The following SCFD2 variants were observed in gnomAD, a reference collection of about 807,000 sequenced individuals.
SCFD2 encodes sec1 family domain containing 2.
In SCFD2, 54 loss-of-function variants were observed where a neutral mutation model predicts 58.9. The ratio of observed to expected loss-of-function variants is 0.92; its 90% CI spans 0.74 to 1.15. The LOEUF is 1.15. Ranked by LOEUF, SCFD2 falls within the 50% of genes most tolerant of loss-of-function variation. SCFD2 has a pLI of 0.00. For missense variants in SCFD2, 805 were observed against 836.6 expected, an observed-to-expected ratio of 0.96 and a Z score of 0.47; for synonymous variants, 321 against 335.9, an observed-to-expected ratio of 0.96 and a Z score of 0.49.
intron 3 of SCFD2, among the ~76,000 whole-genome samples, chr4:53,277,271 A>G (rs2149072661): frequency 6.6e-6 from 1 of 152,348 alleles, no homozygotes; most frequent in African/African-American, 2.4e-5. Flanking sequence ...AACATTTTTA[A>G]GAAATGATAT....
chr4:53,180,792 C>G (rs184502008), intron 4 of SCFD2, among the ~76,000 whole-genome samples: 127 of 151,926 alleles, frequency 8.4e-4, no homozygotes, highest in Non-Finnish European at 1.2e-3. Context: ...AAGAATCAAA[C>G]AGACGCAATA....
chr4:53,196,805 A>G (rs532973071), intron 4 of SCFD2, among the ~76,000 whole-genome samples: 1 of 152,260 alleles, frequency 6.6e-6, no homozygotes, highest in South Asian at 2.1e-4. Context: ...AATCATGCCA[A>G]TGTCTTGTTC....
At chr4:53,078,560 G>A (rs938174014) in intron 5 of SCFD2, among the ~76,000 whole-genome samples, 2 of 152,084 alleles carry the variant, frequency 1.3e-5, no homozygotes, top group African/African-American at 4.8e-5. Context: ...GCATTTCCTC[G>A]GGCATTGACT....
At chr4:53,152,164 G>A (rs1726529111) in intron 4 of SCFD2, among the ~76,000 whole-genome samples, 1 of 152,096 alleles carries the variant, frequency 6.6e-6, no homozygotes, top group Non-Finnish European at 1.5e-5. Context: ...GGCAGTAAAA[G>A]GTAAATCCAG....
At chr4:53,180,940 C>T (rs1227159524) in intron 4 of SCFD2, among the ~76,000 whole-genome samples, 4 of 152,100 alleles carry the variant, frequency 2.6e-5, no homozygotes, top group African/African-American at 9.7e-5. Flanking sequence ...TACATGCTCC[C>T]AAGACTAAAC....
intron 5 of SCFD2, among the ~76,000 whole-genome samples, chr4:53,083,281 T>C (rs1724203819): frequency 6.6e-6 from 1 of 152,108 alleles, no homozygotes; most frequent in African/African-American, 2.4e-5. Context: ...ATAAACAGAA[T>C]CTTGGTAGAA....
chr4:52,909,958 T>C (rs1258424316), intron 6 of SCFD2, among the ~76,000 whole-genome samples: 4 of 152,242 alleles, frequency 2.6e-5, no homozygotes, highest in Admixed American at 2.6e-4. Flanking sequence ...TTAGCCTTTC[T>C]GGACATTGAC....
chr4:53,061,547 T>G (rs1378572781), intron 5 of SCFD2, among the ~76,000 whole-genome samples: 1 of 152,160 alleles, frequency 6.6e-6, no homozygotes, highest in African/African-American at 2.4e-5. Flanking sequence ...ACAGGAGGAC[T>G]ACAAATCAGA....
At chr4:53,017,317 T>C (rs1429074354) in intron 5 of SCFD2, among the ~76,000 whole-genome samples, 2 of 152,120 alleles carry the variant, frequency 1.3e-5, no homozygotes, top group African/African-American at 2.4e-5. Context: ...TCAAATCACA[T>C]ATGAAAAACA....
intron 4 of SCFD2, among the ~76,000 whole-genome samples, chr4:53,254,639 G>A (rs143892286): frequency 3.6e-4 from 54 of 150,486 alleles, no homozygotes; most frequent in Admixed American, 8.6e-4. Flanking sequence ...GCACCTGGCC[G>A]ACCCATGTCA....
chr4:52,896,146 T>C (rs1719004969), intron 7 of SCFD2, among the ~76,000 whole-genome samples: 1 of 152,224 alleles, frequency 6.6e-6, no homozygotes, highest in Non-Finnish European at 1.5e-5. Context: ...TCTTTTGCTG[T>C]GCAGAAGCTC....
Position 53,213,943 on chromosome 4 carries a change from A to T in SCFD2, c.1311+59883T>A, listed in dbSNP as rs1232698477. 2.0e-5 allele frequency among the ~76,000 whole-genome samples: 3 copies of T among 152,010 alleles called. No individual in the cohort carries two copies. In the South Asian group the frequency reaches 6.2e-4, roughly 32 times the overall value. ...TCCTTGCGATAGTTTGCTGAGAATGATGGTTTCCAGCTTCATCCCTGTCCC... is the reference window on the plus strand; with the variant it reads ...TCCTTGCGATAGTTTGCTGAGAATGTTGGTTTCCAGCTTCATCCCTGTCCC... On this transcript the variant is annotated intron_variant, in intron 4 of 8. Transcript: ENST00000401642.
At chr4:53,177,044 G>A (rs13111251) in intron 4 of SCFD2, among the ~76,000 whole-genome samples, 39,052 of 151,656 alleles carry the variant, frequency 0.26, 5,506 homozygotes, top group Non-Finnish European at 0.31. Flanking sequence ...TTCTTTATCT[G>A]TTTCCTGTTC....
At chr4:53,120,072 T>C (rs1392417713) in intron 5 of SCFD2, among the ~76,000 whole-genome samples, 1 of 152,204 alleles carries the variant, frequency 6.6e-6, no homozygotes, top group Non-Finnish European at 1.5e-5. Context: ...TGAAAATGTA[T>C]CCAATATTTT....
chr4:52,975,184 C>A (rs1203193784), intron 5 of SCFD2, among the ~76,000 whole-genome samples: 1 of 152,130 alleles, frequency 6.6e-6, no homozygotes, highest in Non-Finnish European at 1.5e-5. Flanking sequence ...TCTTATTAAA[C>A]TAAAGAGCTT....
chr4:53,321,633 A>C (rs1733030213), intron 2 of SCFD2, among the ~76,000 whole-genome samples: 1 of 152,216 alleles, frequency 6.6e-6, no homozygotes. Context: ...TTTTCACAGC[A>C]GGGAATAATG....
chr4:53,062,672 G>A (rs1382046469), intron 5 of SCFD2, among the ~76,000 whole-genome samples: 1 of 152,100 alleles, frequency 6.6e-6, no homozygotes, highest in Admixed American at 6.6e-5. Flanking sequence ...CAAATCAGGT[G>A]TTCTTCCTAC....
intron 5 of SCFD2, among the ~76,000 whole-genome samples, chr4:53,028,053 C>A (rs1459161118): frequency 1.3e-5 from 2 of 151,908 alleles, no homozygotes; most frequent in African/African-American, 4.8e-5. Context: ...TTGAGACCAG[C>A]CTGGACAATA....
chr4:53,239,033 G>A (rs28640919), intron 4 of SCFD2, among the ~76,000 whole-genome samples: 62,839 of 150,400 alleles, frequency 0.42, 14,322 homozygotes, highest in Non-Finnish European at 0.5. Context: ...AGGTTGTAGC[G>A]AGCCGAGATC....
Sources: allele counts gnomAD v4.1 joint callset (sites outside exome capture counted in the v4.1 genomes callset), GRCh38; gene constraint gnomAD v4.1.1; transcripts MANE v1.5; gene names NCBI Gene and HGNC (gene_info 2026-07-23, HGNC 2026-07-21).